The following FBXW4 variants were observed in gnomAD, a reference collection of about 807,000 sequenced individuals.
The protein encoded by FBXW4 is F-box and WD repeat domain containing 4.
In FBXW4, 40 loss-of-function variants were observed where a neutral mutation model predicts 61.8. That is an observed-to-expected ratio of 0.65 (90% CI 0.50 to 0.84). The LOEUF (loss-of-function observed/expected upper bound fraction) is 0.84, where lower values mean the gene tolerates loss of function less well. Among genes scored for constraint, FBXW4 ranks in the 40% least tolerant of loss-of-function variants. The pLI, the probability that FBXW4 is intolerant of heterozygous loss-of-function variation, is 0.00. For missense variants in FBXW4, 672 were observed against 753.8 expected, an observed-to-expected ratio of 0.89 and a Z score of 1.27; for synonymous variants, 311 against 313.8, an observed-to-expected ratio of 0.99 and a Z score of 0.10.
At chr10:101,687,939 C>T (rs1354840452) in intron 1 of FBXW4, among the ~76,000 whole-genome samples, 1 of 152,230 alleles carries the variant, frequency 6.6e-6, no homozygotes, top group Non-Finnish European at 1.5e-5. Context: ...GGGGCACAGG[C>T]AATATCTCTC....
intron 4 of FBXW4, among the ~76,000 whole-genome samples, chr10:101,669,781 G>T (rs2064340888): frequency 1.3e-5 from 2 of 148,252 alleles, no homozygotes. Context: ...TTGAGATGGA[G>T]TCTTGCTCTG....
chr10:101,680,156 A>G (rs1266360825), intron 1 of FBXW4, among the ~76,000 whole-genome samples: 1 of 152,186 alleles, frequency 6.6e-6, no homozygotes, highest in African/African-American at 2.4e-5. Context: ...ATCAATAGAG[A>G]AAAAAACTGA....
At chr10:101,676,519 T>TTCAGGAGAC in intron 1 of FBXW4, 83 bp from the exon 2 acceptor site, 1 of 1,042,424 alleles carries the variant, frequency 9.6e-7, no homozygotes, top group Non-Finnish European at 1.5e-6. Context: ...TGAGTCAGGA[T>TTCAGGAGAC]TCAGGAGCAT....
intron 5 of FBXW4, among the ~76,000 whole-genome samples, chr10:101,632,018 G>C (rs1194835747): frequency 6.6e-6 from 1 of 152,158 alleles, no homozygotes; most frequent in East Asian, 1.9e-4. Context: ...GAGCGACCTG[G>C]TACAGCTAGT....
intron 5 of FBXW4, among the ~76,000 whole-genome samples, chr10:101,645,427 T>A (rs547132556): frequency 2.2e-4 from 33 of 152,324 alleles, no homozygotes; most frequent in Non-Finnish European, 4.0e-4. Context: ...TGCCCCTGTG[T>A]CAGTCCTGTG....
chr10:101,634,734 CAGAT>C, intron 5 of FBXW4, among the ~76,000 whole-genome samples: 1 of 148,466 alleles, frequency 6.7e-6, no homozygotes, highest in Middle Eastern at 3.4e-3. Flanking sequence ...ATATCAATCT[CAGAT>C]GGATTAAGGA....
At chr10:101,628,542 A>T (rs2063925210) in intron 5 of FBXW4, among the ~76,000 whole-genome samples, 2 of 152,212 alleles carry the variant, frequency 1.3e-5, no homozygotes, top group African/African-American at 4.8e-5. Context: ...GGCCTTCCAG[A>T]GCCCAAAGCC....
At chr10:101,639,232 C>T (rs904694080) in intron 5 of FBXW4, among the ~76,000 whole-genome samples, 3 of 152,222 alleles carry the variant, frequency 2.0e-5, no homozygotes, top group Non-Finnish European at 2.9e-5. Flanking sequence ...CTCATTCATA[C>T]AACCTCAGGT....
intron 5 of FBXW4, among the ~76,000 whole-genome samples, chr10:101,654,847 A>G (rs576010185): frequency 6.6e-6 from 1 of 152,332 alleles, no homozygotes; most frequent in African/African-American, 2.4e-5. Context: ...TTTTTGAGAC[A>G]GACTCTTGCT....
intron 5 of FBXW4, among the ~76,000 whole-genome samples, chr10:101,636,116 G>A (rs977529561): frequency 6.6e-6 from 1 of 152,172 alleles, no homozygotes; most frequent in Non-Finnish European, 1.5e-5. Context: ...TTGGGAGGCT[G>A]AGGTGGGCGG....
chr10:101,633,931 C>A (rs951145231), intron 5 of FBXW4, among the ~76,000 whole-genome samples: 1 of 151,870 alleles, frequency 6.6e-6, no homozygotes, highest in African/African-American at 2.4e-5. Context: ...CATGGTGAAA[C>A]CCTGTCTCTA....
rs747395437 is a variant in FBXW4 at position 101,611,363 on chromosome 10, C to T, written c.1632G>A (p.Leu544=). 1.9e-6 allele frequency: 3 copies of T among 1,614,114 alleles called. No individual in the cohort carries two copies. Among genetic ancestry groups the T allele is most frequent in the Admixed American group, 1.7e-5 (1 of 60,014 alleles). The change falls in exon 9 of 9, where the codon CTG becomes CTA. Residue 544 remains leucine (L), a synonymous_variant. Coordinates refer to ENST00000331272, the MANE Select transcript of FBXW4 (RefSeq NM_022039.4). This position sits in a 1 kb window ranked among gnomAD's most constrained non-coding sequence, Gnocchi z 4.9. ...STPLSSPVYC[L]RLTTKHLYAA... ...CATAGAGATGCTTGGTGGTGAGACG[C>T]AGGCAGTACACAGGGCTGCTGAGGG...
chr10:101,654,119 T>TAAAAAA lies in FBXW4; in HGVS notation c.1235+13761_1235+13766dup, dbSNP rs60568785. 1.4e-4 allele frequency among the ~76,000 whole-genome samples: 17 copies of TAAAAAA among 118,286 alleles called. 2 individuals carry two copies. The highest frequency in any genetic ancestry group is 2.8e-4 in the South Asian group (1 of 3,510). 77.6% of individuals were successfully genotyped at this position (118,286 alleles called of 152,430 possible). ...CCGGCGACAGAGCGAGACTCCGTCTTAAAAAAAAAAAAAAAAAAAATCCAA... is the reference window on the plus strand; with the variant it reads ...CCGGCGACAGAGCGAGACTCCGTCTTAAAAAAAAAAAAAAAAAAAAAAAAAATCCAA... On this transcript the variant is annotated intron_variant, in intron 5 of 8. Transcript: ENST00000331272.
intron 5 of FBXW4, among the ~76,000 whole-genome samples, chr10:101,633,035 CT>C (rs2063971495): frequency 6.6e-6 from 1 of 152,208 alleles, no homozygotes; most frequent in African/African-American, 2.4e-5. Context: ...GTGTGGACCC[CT>C]GGCTCTGCCA....
intron 6 of FBXW4, among the ~76,000 whole-genome samples, chr10:101,615,507 C>T (rs1425380149): frequency 1.3e-5 from 2 of 151,918 alleles, no homozygotes; most frequent in Non-Finnish European, 2.9e-5. Flanking sequence ...CTGGGGGAGA[C>T]CTGTTTCCTT....
intron 2 of FBXW4, among the ~76,000 whole-genome samples, chr10:101,675,667 G>A (rs1480963626): frequency 5.3e-5 from 8 of 152,170 alleles, no homozygotes; most frequent in Admixed American, 5.2e-4. Flanking sequence ...TCTGGAATGT[G>A]GAATCATGAT....
chr10:101,693,544 T>C (rs2064634258), intron 1 of FBXW4, among the ~76,000 whole-genome samples: 1 of 152,232 alleles, frequency 6.6e-6, no homozygotes, highest in African/African-American at 2.4e-5. Flanking sequence ...GAGGTGATGG[T>C]ATTATGGCTT....
At chr10:101,649,809 C>T (rs1047294538) in intron 5 of FBXW4, among the ~76,000 whole-genome samples, 2 of 152,230 alleles carry the variant, frequency 1.3e-5, no homozygotes, top group Non-Finnish European at 2.9e-5. Context: ...CTCTGCCTTC[C>T]GATCCATATG....
At chr10:101,668,919 T>G (rs796603245) in intron 4 of FBXW4, among the ~76,000 whole-genome samples, 54 of 152,258 alleles carry the variant, frequency 3.5e-4, no homozygotes, top group African/African-American at 1.3e-3. Context: ...GCCAGATGGA[T>G]CAGTGACCTC....
Sources: gnomAD v4.1 joint callset for allele counts (sites outside exome capture counted in the v4.1 genomes callset) on GRCh38, gnomAD v4.1.1 for gene constraint, Gnocchi (gnomAD v3.1) non-coding constraint, MANE v1.5 for transcripts, NCBI Gene and HGNC (gene_info 2026-07-23, HGNC 2026-07-21) for gene names.